The following KNTC1 variants were observed in gnomAD, a reference collection of about 807,000 sequenced individuals.
KNTC1 encodes the protein kinetochore-associated protein 1.
KNTC1 carries 253 observed loss-of-function variants against 314.4 expected under a neutral mutation model. The observed-to-expected ratio is 0.80, with a 90% confidence interval of 0.73 to 0.89. KNTC1 has a LOEUF of 0.89. Among genes scored for constraint, KNTC1 ranks in the 40% least tolerant of loss-of-function variants. KNTC1 has a pLI of 0.00. For missense variants in KNTC1, 2,475 were observed against 2,572.9 expected, an observed-to-expected ratio of 0.96 and a Z score of 0.82; for synonymous variants, 901 against 901.4, an observed-to-expected ratio of 1.00 and a Z score of 0.01.
intron 57 of KNTC1, among the ~76,000 whole-genome samples, chr12:122,616,779 A>G (rs1245201294): frequency 6.6e-6 from 1 of 152,192 alleles, no homozygotes; most frequent in African/African-American, 2.4e-5. Context: ...AAAATACACA[A>G]TGAAGTAGTT....
At chr12:122,590,142 A>G (rs546688504) in intron 40 of KNTC1, among the ~76,000 whole-genome samples, 72 of 152,188 alleles carry the variant, frequency 4.7e-4, no homozygotes, top group African/African-American at 1.7e-3. Context: ...GAATAGCACA[A>G]AGATCTTTGG....
chr12:122,581,546 G>A (rs1868393044), intron 33 of KNTC1, among the ~76,000 whole-genome samples: 1 of 151,618 alleles, frequency 6.6e-6, no homozygotes, highest in Non-Finnish European at 1.5e-5. Context: ...CCAGGCTGGA[G>A]GGCTGTGGCA....
intron 43 of KNTC1, among the ~76,000 whole-genome samples, chr12:122,594,954 C>T (rs1267990634): frequency 6.6e-6 from 1 of 152,206 alleles, no homozygotes; most frequent in African/African-American, 2.4e-5. Context: ...GTAATCTCAG[C>T]TCACCGCAGC....
chr12:122,572,344 G>A (rs953036613), intron 24 of KNTC1, among the ~76,000 whole-genome samples: 17 of 152,100 alleles, frequency 1.1e-4, no homozygotes, highest in East Asian at 9.7e-4. Context: ...GCAGTGAGCC[G>A]AGATTGTGCC....
chr12:122,528,205 G>A (rs1182491507), intron 1 of KNTC1, among the ~76,000 whole-genome samples: 5 of 152,166 alleles, frequency 3.3e-5, no homozygotes. Context: ...GTGGGAAATT[G>A]AGACCCATAA....
At chr12:122,557,927 A>G (rs1963710557) in intron 18 of KNTC1, among the ~76,000 whole-genome samples, 1 of 152,128 alleles carries the variant, frequency 6.6e-6, no homozygotes, top group African/African-American at 2.4e-5. Flanking sequence ...ATTATTGTCA[A>G]TTTTAGAACT....
chr12:122,582,968 A>G lies in KNTC1; in HGVS notation c.3246A>G (p.Thr1082=), dbSNP rs370047385. The G allele has an allele frequency of 4.4e-6, 7 of 1,606,582 alleles. No homozygotes were observed. The African/African-American group carries it at 8.0e-5, about 18-fold the overall frequency. Residue 1082 remains threonine (T), a synonymous_variant, in exon 34 of 64, where the codon ACA becomes ACG. Coordinates refer to ENST00000333479, the MANE Select transcript of KNTC1 (RefSeq NM_014708.6). ...CCTTAAAAGATGGGAACATCAAAAC[A>G]GCACTGAAAAAATGCAGGTGACATT... The part of the protein sequence containing the change: ...LRALKDGNIK[T]ALKKCSDLFK...
intron 20 of KNTC1, among the ~76,000 whole-genome samples, chr12:122,563,527 G>A (rs570590896): frequency 7.2e-5 from 11 of 152,090 alleles, no homozygotes; most frequent in Admixed American, 7.2e-4. Context: ...CAGCTCCCAG[G>A]TCATTCTCTG....
chr12:122,578,672 G>A (rs1401940420), intron 31 of KNTC1, among the ~76,000 whole-genome samples: 1 of 152,024 alleles, frequency 6.6e-6, no homozygotes, highest in African/African-American at 2.4e-5. Context: ...TGCCTGCCTC[G>A]GCCTTCCAAA....
At chr12:122,580,531 TTTC>T (rs1436240595) in intron 32 of KNTC1, 69 bp from the exon 33 acceptor site, 6 of 933,384 alleles carry the variant, frequency 6.4e-6, no homozygotes, top group African/African-American at 1.7e-5. Context: ...CTAATTAAAA[TTTC>T]TTCTTTTTAA....
At chr12:122,543,570 A>G in intron 6 of KNTC1, 30 bp from the exon 7 acceptor site, 1 of 1,472,006 alleles carries the variant, frequency 6.8e-7, no homozygotes, top group Non-Finnish European at 9.2e-7. Context: ...TTAATACTAT[A>G]CATTTAGCCT....
chr12:122,572,916 A>G (rs958162124), intron 24 of KNTC1, 21 bp from the exon 25 acceptor site: 2 of 1,481,794 alleles, frequency 1.3e-6, no homozygotes, highest in African/African-American at 1.4e-5. Flanking sequence ...ATCGTTAACA[A>G]CTTTAACACT....
At chr12:122,604,687 G>A (rs781353946) in intron 49 of KNTC1, 50 bp downstream of exon 49, 4 of 1,355,190 alleles carry the variant, frequency 3.0e-6, no homozygotes, top group South Asian at 1.2e-5. Flanking sequence ...TAATTAAATT[G>A]TACTAGCTTA....
intron 13 of KNTC1, among the ~76,000 whole-genome samples, chr12:122,550,995 C>T (rs1963157080): frequency 6.6e-6 from 1 of 152,206 alleles, no homozygotes; most frequent in African/African-American, 2.4e-5. Flanking sequence ...ATCCATTTGT[C>T]CTGTTATGGG....
In KNTC1 at chr12:122,571,517, C is replaced by T. The variant is rs115649667; in HGVS notation, c.2019+391C>T. ...GGGACTACAGGTGCGCATCACCAGG[C>T]CCGACTGATTTTTGTATTTTTTGTA... On this transcript the variant is annotated intron_variant, in intron 24 of 63. Transcript: ENST00000333479. Among the ~76,000 whole-genome samples, 1,299 of 152,012 alleles carry T rather than the reference C, an allele frequency of 8.5e-3. 17 individuals are homozygous for T. The highest frequency in any genetic ancestry group is 0.03 in the African/African-American group (1,257 of 41,456).
chr12:122,562,223 G>A (rs960065636), intron 19 of KNTC1, among the ~76,000 whole-genome samples: 8 of 152,178 alleles, frequency 5.3e-5, no homozygotes, highest in African/African-American at 1.2e-4. Context: ...GATAAACTGC[G>A]ATGTTGATTA....
chr12:122,570,167 G>GGGGTGAT (rs985700676), intron 22 of KNTC1, among the ~76,000 whole-genome samples: 5 of 152,096 alleles, frequency 3.3e-5, no homozygotes, highest in Non-Finnish European at 7.4e-5. Context: ...GAAGGGTTGT[G>GGGGTGAT]GGGTGATGGG....
chr12:122,611,031 C>G (rs2138150910), intron 53 of KNTC1, 131 bp downstream of exon 53: 1 of 677,940 alleles, frequency 1.5e-6, no homozygotes, highest in Non-Finnish European at 2.6e-6. Context: ...TATTCAAAGT[C>G]TGTCTCATCT....
chr12:122,554,981 G>C (rs1438573033), intron 16 of KNTC1, among the ~76,000 whole-genome samples: 1 of 152,080 alleles, frequency 6.6e-6, no homozygotes, highest in Non-Finnish European at 1.5e-5. Context: ...GGAGTTCCAG[G>C]CTGCAGTGAG....
Sources: allele counts gnomAD v4.1 joint callset (sites outside exome capture counted in the v4.1 genomes callset), GRCh38; gene constraint gnomAD v4.1.1; transcripts MANE v1.5; gene names NCBI Gene and HGNC (gene_info 2026-07-23, HGNC 2026-07-21).